SEPTIN7: variants seen among roughly 807,000 people sequenced by gnomAD.
The protein encoded by SEPTIN7 is septin-7.
SEPTIN7 carries 10 observed loss-of-function variants against 63.3 expected under a neutral mutation model. That is an observed-to-expected ratio of 0.16 (90% CI 0.10 to 0.27). The LOEUF is 0.27. Ranked by LOEUF, SEPTIN7 falls within the 10% of genes least tolerant of loss-of-function variation. The pLI is 1.00. For synonymous variants in SEPTIN7, 131 were observed against 165.3 expected, an observed-to-expected ratio of 0.79 and a Z score of 1.59; for missense variants, 310 against 521.0, an observed-to-expected ratio of 0.59 and a Z score of 3.94.
chr7:35,824,036 TCTTGAC>T (rs1783378402), intron 1 of SEPTIN7, among the ~76,000 whole-genome samples: 1 of 151,604 alleles, frequency 6.6e-6, no homozygotes, highest in South Asian at 2.1e-4. Context: ...TGCTTAAAAC[TCTTGAC>T]CTTGTATTTT....
intron 4 of SEPTIN7, among the ~76,000 whole-genome samples, chr7:35,870,016 C>G (rs1410819569): frequency 6.6e-6 from 1 of 152,178 alleles, no homozygotes; most frequent in Admixed American, 6.5e-5. Context: ...TCTTGGACTT[C>G]AACTAATTTG....
intron 3 of SEPTIN7, among the ~76,000 whole-genome samples, 177 bp downstream of exon 3, chr7:35,833,077 T>A (rs149332855): frequency 6.6e-6 from 1 of 152,160 alleles, no homozygotes; most frequent in African/African-American, 2.4e-5. Flanking sequence ...GGGATTTATG[T>A]CTTGCCTCTT....
intron 10 of SEPTIN7, among the ~76,000 whole-genome samples, chr7:35,889,584 A>G (rs1166759553): frequency 3.3e-5 from 5 of 152,026 alleles, no homozygotes; most frequent in Non-Finnish European, 5.9e-5. Context: ...TTGCTCATGT[A>G]CTCAGGATGG....
intron 11 of SEPTIN7, among the ~76,000 whole-genome samples, chr7:35,895,732 A>AT (rs1339366216): frequency 6.6e-6 from 1 of 152,008 alleles, no homozygotes; most frequent in Non-Finnish European, 1.5e-5. Context: ...CAAATCACTA[A>AT]TTTTTTTTCC....
At chr7:35,890,583 A>C (rs559689640) in intron 10 of SEPTIN7, 85 bp from the exon 11 acceptor site, 2 of 1,237,296 alleles carry the variant, frequency 1.6e-6, no homozygotes, top group South Asian at 3.1e-5. Context: ...GTTTTGGTAA[A>C]ATTTTGAATT....
intron 3 of SEPTIN7, among the ~76,000 whole-genome samples, chr7:35,835,708 T>C (rs1187694505): frequency 2.0e-5 from 3 of 152,178 alleles, no homozygotes; most frequent in Admixed American, 1.3e-4. Context: ...ACAAGTAATT[T>C]TTCCTGTTAT....
intron 11 of SEPTIN7, among the ~76,000 whole-genome samples, chr7:35,894,691 G>C (rs995421203): frequency 1.3e-5 from 2 of 152,132 alleles, no homozygotes; most frequent in African/African-American, 4.8e-5. Flanking sequence ...TTATTTAAGT[G>C]AAATTCCTTT....
intron 3 of SEPTIN7, among the ~76,000 whole-genome samples, chr7:35,833,282 C>G (rs1303570896): frequency 1.3e-5 from 2 of 151,888 alleles, no homozygotes; most frequent in African/African-American, 4.8e-5. Context: ...TTAATGTGCT[C>G]TGAATTTTGA....
In SEPTIN7 at chr7:35,904,693, A is replaced by G. The variant is rs549017303; in HGVS notation, c.*400A>G. 1.3e-5 allele frequency: 2 copies of G among 155,968 alleles called. No individual in the cohort carries two copies. Among genetic ancestry groups the G allele is most frequent in the South Asian group, 2.1e-4 (1 of 4,868 alleles). The allele number at this position is 155,968 out of a possible 1,614,324, so 9.7% of individuals were successfully genotyped here. Reference sequence around the variant, plus strand: ...AATATGATGCAAACTGTGCTTCTCTATGATAATTACAATACAAAGGTTCCA... The same window carrying G: ...AATATGATGCAAACTGTGCTTCTCTGTGATAATTACAATACAAAGGTTCCA... On this transcript the variant is annotated 3_prime_UTR_variant, in exon 14 of 14. Coordinates refer to ENST00000350320, the MANE Select transcript of SEPTIN7 (RefSeq NM_001788.6).
At chr7:35,915,556 C>T in the SEPTIN7 span, among the ~76,000 whole-genome samples, 1 of 152,188 alleles carries the variant, frequency 6.6e-6, no homozygotes, top group African/African-American at 2.4e-5. Context: ...TTCTGCTTTC[C>T]TAGTTTCCTG....
chr7:35,851,878 G>A (rs902243498), intron 3 of SEPTIN7, among the ~76,000 whole-genome samples: 1 of 152,014 alleles, frequency 6.6e-6, no homozygotes, highest in Non-Finnish European at 1.5e-5. Context: ...TCAAACTCAG[G>A]CATAGCCTCA....
chr7:35,872,891 CTT>C lies in SEPTIN7; in HGVS notation c.377+126_377+127del. 9.0e-6 allele frequency: 6 copies of C among 664,732 alleles called. No individual in the cohort carries two copies. The South Asian group carries it at 9.5e-5, about 11-fold the overall frequency. The allele number at this position is 664,732 out of a possible 1,614,324, so 41.2% of individuals were successfully genotyped here. A position where few individuals can be genotyped will look rare whatever the true frequency, so the allele number is the denominator to read the frequency against. ...GGTCACCAAACTTCAAGCAACATGACTTGGGTTTGTATACCAACTTTGCCACT... is the reference window on the plus strand; with the variant it reads ...GGTCACCAAACTTCAAGCAACATGACGGGTTTGTATACCAACTTTGCCACT... On this transcript the variant is annotated intron_variant, in intron 5 of 13. Coordinates refer to ENST00000350320, the MANE Select transcript of SEPTIN7 (RefSeq NM_001788.6).
chr7:35,915,366 T>C, the SEPTIN7 span, among the ~76,000 whole-genome samples: 10 of 152,268 alleles, frequency 6.6e-5, no homozygotes, highest in African/African-American at 2.2e-4. Context: ...ACCAGGGACA[T>C]TTTAGACTTA....
intron 3 of SEPTIN7, among the ~76,000 whole-genome samples, chr7:35,839,861 A>T (rs1010714571): frequency 2.6e-5 from 4 of 152,022 alleles, no homozygotes; most frequent in African/African-American, 9.6e-5. Flanking sequence ...CCTGTAATTT[A>T]TTTTTTTACT....
chr7:35,855,820 G>A (rs1785175797), intron 3 of SEPTIN7, among the ~76,000 whole-genome samples: 1 of 151,864 alleles, frequency 6.6e-6, no homozygotes, highest in Non-Finnish European at 1.5e-5. Context: ...TTATTCTCTG[G>A]GTAGAAATTT....
chr7:35,859,376 T>G (rs1785381705), intron 3 of SEPTIN7, among the ~76,000 whole-genome samples: 1 of 152,220 alleles, frequency 6.6e-6, no homozygotes, highest in African/African-American at 2.4e-5. Context: ...TTTGTTTGAT[T>G]TCACTTCTTT....
rs1787242695 is a variant in SEPTIN7 at position 35,886,301 on chromosome 7, G to A, written c.872+422G>A. ...GTGAGTAGGGCACATTTTATGTACTGGAACATAGTGAATAAAACCAGTATT... is the reference window on the plus strand; with the variant it reads ...GTGAGTAGGGCACATTTTATGTACTAGAACATAGTGAATAAAACCAGTATT... On this transcript the variant is annotated intron_variant, in intron 10 of 13. Coordinates refer to ENST00000350320, the MANE Select transcript of SEPTIN7 (RefSeq NM_001788.6). 5.9e-5 allele frequency among the ~76,000 whole-genome samples: 9 copies of A among 152,282 alleles called. No individual in the cohort carries two copies. The South Asian group carries it at 1.9e-3, about 32-fold the overall frequency.
At chr7:35,872,026 T>C (rs907791646) in intron 4 of SEPTIN7, among the ~76,000 whole-genome samples, 5 of 152,066 alleles carry the variant, frequency 3.3e-5, no homozygotes, top group African/African-American at 1.2e-4. Context: ...CAGAATACAC[T>C]TTTTTTTAAA....
intron 8 of SEPTIN7, 75 bp from the exon 9 acceptor site, chr7:35,883,816 T>G: frequency 1.3e-6 from 1 of 789,670 alleles, no homozygotes. Context: ...ACCTGTTGAG[T>G]AATGTAACTT....
Sources: gnomAD v4.1 joint callset for allele counts (sites outside exome capture counted in the v4.1 genomes callset) on GRCh38, gnomAD v4.1.1 for gene constraint, MANE v1.5 for transcripts, NCBI Gene and HGNC (gene_info 2026-07-23, HGNC 2026-07-21) for gene names.